Variants in DMD observed in about 807,000 individuals in gnomAD.
DMD encodes the protein dystrophin.
DMD carries 63 observed loss-of-function variants against 330.1 expected under a neutral mutation model. The ratio of observed to expected loss-of-function variants is 0.19; its 90% confidence interval spans 0.16 to 0.24. DMD has a LOEUF of 0.24. DMD is among the 10% of genes least tolerant of loss of function. The probability of loss-of-function intolerance (pLI) is 1.00; values close to 1 mark genes in which losing one functional copy is unlikely to be tolerated. For synonymous variants in DMD, 1,223 were observed against 959.8 expected, an observed-to-expected ratio of 1.27 and a Z score of -5.07; for missense variants, 3,344 against 2,684.1, an observed-to-expected ratio of 1.25 and a Z score of -5.43.
At chrX:33,216,731 T>C (rs1181022574) in intron 1 of DMD, among the ~76,000 whole-genome samples, 1 of 112,117 alleles carries the variant, frequency 8.9e-6, no homozygotes, top group Non-Finnish European at 1.9e-5. Context: ...TTTTTTTAAA[T>C]TACTTTTTTT....
intron 43 of DMD, among the ~76,000 whole-genome samples, chrX:32,272,135 G>T (rs1192951788): frequency 2.7e-5 from 3 of 112,088 alleles, no homozygotes; most frequent in African/African-American, 9.7e-5. Context: ...GTTGCAAACA[G>T]CTATGTAAGA....
chrX:32,880,082 A>AATC (rs1463594057), intron 2 of DMD, among the ~76,000 whole-genome samples: 1 of 111,232 alleles, frequency 9.0e-6, no homozygotes, highest in Non-Finnish European at 1.9e-5. Context: ...TTGAGCAAGG[A>AATC]ATCATCCATC....
intron 7 of DMD, among the ~76,000 whole-genome samples, chrX:32,798,178 T>G (rs1248686215): frequency 8.9e-6 from 1 of 112,059 alleles, no homozygotes; most frequent in African/African-American, 3.2e-5. Context: ...AATATCATAT[T>G]TAATGTTTTT....
Position 32,599,362 on chromosome X carries a change from A to G in DMD, c.1483-3486T>C, listed in dbSNP as rs147908293. On this transcript the variant is annotated intron_variant, in intron 12 of 78. Coordinates refer to ENST00000357033, the MANE Select transcript of DMD (RefSeq NM_004006.3). ...CTGCCAAACTAGGAATCCATGAATAAAGGCCTTGATCATTGGGGTAAAGAA... is the reference window on the plus strand; with the variant it reads ...CTGCCAAACTAGGAATCCATGAATAGAGGCCTTGATCATTGGGGTAAAGAA... 3.8e-3 allele frequency among the ~76,000 whole-genome samples: 427 copies of G among 111,935 alleles called. 8 individuals are homozygous for G. Among genetic ancestry groups the G allele is most frequent in the Admixed American group, 0.027 (278 of 10,463 alleles).
chrX:31,398,514 C>A (rs902506039), intron 60 of DMD, among the ~76,000 whole-genome samples: 1 of 112,123 alleles, frequency 8.9e-6, no homozygotes, highest in African/African-American at 3.2e-5. Flanking sequence ...GTCTTGAACT[C>A]CTGGGCTCAA....
chrX:31,283,414 T>G (rs2052776664), intron 62 of DMD, among the ~76,000 whole-genome samples: 1 of 111,756 alleles, frequency 8.9e-6, no homozygotes, highest in Non-Finnish European at 1.9e-5. Flanking sequence ...ACTTGCCCCC[T>G]ACCTTAAATT....
At chrX:32,787,245 TGTGAGAGA>T (rs1278845988) in intron 7 of DMD, among the ~76,000 whole-genome samples, 116 of 81,396 alleles carry the variant, frequency 1.4e-3, no homozygotes, top group Admixed American at 2.6e-3. Flanking sequence ...TGTGTGTGTG[TGTGAGAGA>T]GAGAGAGAGA....
Position 32,259,285 on chromosome X carries a change from T to C in DMD, c.6290+28244A>G, listed in dbSNP as rs187654505. On this transcript the variant is annotated intron_variant, in intron 43 of 78. Coordinates refer to ENST00000357033, the MANE Select transcript of DMD (RefSeq NM_004006.3). ...TCATATAGCGACTGATATTTTTAGATCAAACCCACAAGTGTGAAATATTTT... is the reference window on the plus strand; with the variant it reads ...TCATATAGCGACTGATATTTTTAGACCAAACCCACAAGTGTGAAATATTTT... 4.8e-3 allele frequency among the ~76,000 whole-genome samples: 534 copies of C among 110,917 alleles called. 5 individuals are homozygous for C. Among genetic ancestry groups the C allele is most frequent in the African/African-American group, 0.017 (519 of 30,679 alleles).
chrX:31,693,335 G>T (rs189878652), intron 52 of DMD, among the ~76,000 whole-genome samples: 250 of 111,524 alleles, frequency 2.2e-3, no homozygotes, highest in Non-Finnish European at 3.7e-3. Context: ...ACAGTAAAAC[G>T]TAGAAGGCTT....
At chrX:32,823,747 G>C (rs1223583679) in intron 4 of DMD, among the ~76,000 whole-genome samples, 1 of 111,656 alleles carries the variant, frequency 9.0e-6, no homozygotes, top group Admixed American at 9.5e-5. Context: ...GCTCCAAGGA[G>C]TGCCATTATA....
At chrX:31,502,759 A>G (rs913299286) in intron 56 of DMD, among the ~76,000 whole-genome samples, 1 of 111,777 alleles carries the variant, frequency 8.9e-6, no homozygotes, top group Non-Finnish European at 1.9e-5. Context: ...AAATCTTCAT[A>G]TATATTTCTT....
rs755356326 is a variant in DMD, at chrX:32,695,500, T to C, written c.960+2370A>G. 7.2e-5 allele frequency among the ~76,000 whole-genome samples: 8 copies of C among 111,384 alleles called. No homozygotes were observed. The East Asian group carries it at 2.2e-3, about 31-fold the overall frequency. On this transcript the variant is annotated intron_variant, in intron 9 of 78. Transcript: ENST00000357033. ...AGTTTAGGAGAGTAGCCTTGTTATATGGACAAAATTAAGCGAAAAAAATTG... is the reference window on the plus strand; with the variant it reads ...AGTTTAGGAGAGTAGCCTTGTTATACGGACAAAATTAAGCGAAAAAAATTG...
chrX:32,590,363 G>A (rs771925069), intron 13 of DMD, among the ~76,000 whole-genome samples: 1 of 111,505 alleles, frequency 9.0e-6, no homozygotes, highest in African/African-American at 3.3e-5. Context: ...TTGTTGTGAC[G>A]GTTAATATTA....
chrX:32,778,597 T>C (rs1173471991), intron 7 of DMD, among the ~76,000 whole-genome samples: 1 of 112,315 alleles, frequency 8.9e-6, no homozygotes, highest in East Asian at 2.8e-4. Context: ...CAGGGCTTTG[T>C]TCCTTTCTGG....
At chrX:31,411,960 C>T (rs772652806) in intron 60 of DMD, among the ~76,000 whole-genome samples, 3 of 109,681 alleles carry the variant, frequency 2.7e-5, no homozygotes, top group Non-Finnish European at 3.8e-5. Context: ...TCGAGGCGGG[C>T]GAGTCACCTG....
chrX:32,432,474 G>C (rs1394968550), intron 29 of DMD, among the ~76,000 whole-genome samples: 1 of 111,551 alleles, frequency 9.0e-6, no homozygotes, highest in East Asian at 2.8e-4. Flanking sequence ...ACAACTACTA[G>C]ACATTTTCCA....
intron 47 of DMD, among the ~76,000 whole-genome samples, chrX:31,919,559 C>T (rs1409917721): frequency 1.8e-5 from 2 of 111,927 alleles, no homozygotes; most frequent in Non-Finnish European, 1.9e-5. Flanking sequence ...CCACACTTGG[C>T]CAACCATGCC....
At chrX:33,077,352 G>A (rs1432251852) in intron 1 of DMD, among the ~76,000 whole-genome samples, 2 of 111,819 alleles carry the variant, frequency 1.8e-5, no homozygotes, top group Non-Finnish European at 3.8e-5. Flanking sequence ...GAGGTTAGAA[G>A]CAAGATGGAG....
At chrX:31,414,564 A>G (rs2061785851) in intron 60 of DMD, among the ~76,000 whole-genome samples, 1 of 112,348 alleles carries the variant, frequency 8.9e-6, no homozygotes, top group Non-Finnish European at 1.9e-5. Context: ...ACATTTAATT[A>G]AAGTTCCACT....
Sources: gnomAD v4.1 joint callset for allele counts (sites outside exome capture counted in the v4.1 genomes callset) on GRCh38, gnomAD v4.1.1 for gene constraint, MANE v1.5 for transcripts, NCBI Gene and HGNC (gene_info 2026-07-23, HGNC 2026-07-21) for gene names.